Variants in SAMHD1 observed in about 807,000 individuals in gnomAD.
The protein encoded by SAMHD1 is SAM and HD domain containing deoxynucleoside triphosphate triphosphohydrolase 1, also known as deoxynucleoside triphosphate triphosphohydrolase SAMHD1.
Under a neutral mutation model 79.6 loss-of-function variants are expected in SAMHD1, and 54 were observed. The observed-to-expected ratio is 0.68, with a 90% CI of 0.55 to 0.85. The LOEUF (loss-of-function observed/expected upper bound fraction) is 0.85. Ranked by LOEUF, SAMHD1 falls within the 40% of genes least tolerant of loss-of-function variation. SAMHD1 has a pLI of 0.00. For synonymous variants in SAMHD1, 260 were observed against 264.1 expected, an observed-to-expected ratio of 0.98 and a Z score of 0.15; for missense variants, 663 against 782.7, an observed-to-expected ratio of 0.85 and a Z score of 1.82.
intron 3 of SAMHD1, among the ~76,000 whole-genome samples, chr20:36,938,281 C>A (rs2063617505): frequency 6.6e-6 from 1 of 152,202 alleles, no homozygotes; most frequent in African/African-American, 2.4e-5. Context: ...GTGGCTCATG[C>A]CTGTAATCCC....
intron 2 of SAMHD1, among the ~76,000 whole-genome samples, chr20:36,943,844 C>G (rs1043649847): frequency 1.3e-5 from 2 of 152,078 alleles, no homozygotes; most frequent in Non-Finnish European, 2.9e-5. Context: ...CTTTGGGAGG[C>G]TGAGGCAGGC....
chr20:36,916,856 TG>T, intron 8 of SAMHD1, 26 bp from the exon 9 acceptor site: 1 of 1,604,828 alleles, frequency 6.2e-7, no homozygotes, highest in Non-Finnish European at 8.5e-7. Context: ...AACAGAGAGA[TG>T]AAATTTTTCA....
Position 36,897,610 on chromosome 20 carries a change from A to G in SAMHD1, c.1746+212T>C, listed in dbSNP as rs375664348. ...TTTTTATTATTAGGACAATAATGCT[A>G]AACAGTATCCATTCCCAACTCCTGT... is the stretch of plus-strand genomic sequence containing the variant. On this transcript the variant is annotated intron_variant, in intron 15 of 15. Transcript: ENST00000646673. The G allele has an allele frequency of 5.1e-5, 31 of 613,540 alleles. No individual in the cohort carries two copies. The African/African-American group carries it at 5.3e-4, about 11-fold the overall frequency. 38.0% of individuals were successfully genotyped at this position (613,540 alleles called of 1,614,324 possible).
chr20:36,937,530 A>C (rs147444084), intron 3 of SAMHD1, among the ~76,000 whole-genome samples: 28 of 152,328 alleles, frequency 1.8e-4, no homozygotes, highest in Admixed American at 6.5e-4. Context: ...CTCAAATCAA[A>C]TTGTGTGTGA....
chr20:36,921,292 C>G (rs1474323206), intron 6 of SAMHD1, among the ~76,000 whole-genome samples: 1 of 144,636 alleles, frequency 6.9e-6, no homozygotes, highest in African/African-American at 2.6e-5. Context: ...ACTCAGGAGG[C>G]TGAAGCAGGA....
At chr20:36,904,304 C>T in intron 12 of SAMHD1, 55 bp from the exon 13 acceptor site, 1 of 1,213,028 alleles carries the variant, frequency 8.2e-7, no homozygotes, top group Non-Finnish European at 1.2e-6. Flanking sequence ...AGTCTTTGAG[C>T]CACAAACAGG....
intron 3 of SAMHD1, among the ~76,000 whole-genome samples, chr20:36,936,370 C>T (rs567733986): frequency 6.6e-6 from 1 of 152,128 alleles, no homozygotes; most frequent in Non-Finnish European, 1.5e-5. Context: ...AGTGCGTTGG[C>T]TATTCACAGG....
intron 6 of SAMHD1, among the ~76,000 whole-genome samples, chr20:36,919,914 A>G (rs930795155): frequency 6.6e-6 from 1 of 152,106 alleles, no homozygotes; most frequent in Admixed American, 6.6e-5. Context: ...CTAGTGGTGA[A>G]AAGGGGTAAC....
At chr20:36,915,829 C>G (rs756888333) in intron 9 of SAMHD1, among the ~76,000 whole-genome samples, 6 of 151,894 alleles carry the variant, frequency 4.0e-5, no homozygotes, top group Non-Finnish European at 8.8e-5. Context: ...CAGGTGTCAA[C>G]TGTATAAAAT....
chr20:36,925,211 A>G (rs1446315245), intron 6 of SAMHD1, among the ~76,000 whole-genome samples: 4 of 152,182 alleles, frequency 2.6e-5, no homozygotes, highest in African/African-American at 9.6e-5. Flanking sequence ...ACAAAAATAA[A>G]TTGTACACGA....
At chr20:36,914,966 C>T (rs931886779) in intron 9 of SAMHD1, among the ~76,000 whole-genome samples, 6 of 151,588 alleles carry the variant, frequency 4.0e-5, no homozygotes, top group South Asian at 2.1e-4. Flanking sequence ...GATCTGAGAT[C>T]GCACCACTAC....
chr20:36,912,885 C>CTTTCTTTTTTT (rs1374227156), intron 9 of SAMHD1, among the ~76,000 whole-genome samples: 2 of 8,150 alleles, frequency 2.5e-4, no homozygotes, highest in African/African-American at 8.4e-4. Flanking sequence ...AACTTTCATT[C>CTTTCTTTTTTT]TTTGTTTTTT....
chr20:36,933,098 T>A (rs548873292), intron 4 of SAMHD1, among the ~76,000 whole-genome samples: 4 of 152,284 alleles, frequency 2.6e-5, no homozygotes, highest in East Asian at 3.9e-4. Flanking sequence ...TAGGGCTTAG[T>A]AAGGTTCGAT....
At chr20:36,912,800 TGCTCAGGCTGGTC>T in intron 9 of SAMHD1, among the ~76,000 whole-genome samples, 2 of 143,942 alleles carry the variant, frequency 1.4e-5, no homozygotes, top group African/African-American at 2.6e-5. Flanking sequence ...CTTGCTATGT[TGCTCAGGCTGGTC>T]TTAAGTGATC....
intron 9 of SAMHD1, 58 bp from the exon 10 acceptor site, chr20:36,912,610 G>A: frequency 8.1e-7 from 1 of 1,235,068 alleles, no homozygotes; most frequent in Non-Finnish European, 1.2e-6. Flanking sequence ...CGTTATTAGA[G>A]ACAAGTATAT....
Position 36,919,496 on chromosome 20 carries a change from C to T in SAMHD1, c.720G>A (p.Met240Ile), listed in dbSNP as rs1205824136. 6.2e-7 allele frequency: 1 copy of T among 1,613,542 alleles called. No homozygotes were observed. The highest frequency in any genetic ancestry group is 1.1e-5 in the South Asian group (1 of 91,058). Residue 240 changes from methionine (M) to isoleucine (I), a missense_variant, in exon 7 of 16, where the codon ATG (methionine) becomes ATA (isoleucine). Physicochemically the swap from Met to Ile is conservative, Grantham distance 10. Transcript: ENST00000646673. Reference protein sequence around the residue: ...KWTHEQGSVMMFEHLINSNGI... With the variant: ...KWTHEQGSVMIFEHLINSNGI... ...CATTAGAATTAATAAGGTGCTCAAA[C>T]ATCATAACTGAGCCTTGTTCATGCT...
intron 6 of SAMHD1, among the ~76,000 whole-genome samples, chr20:36,921,437 T>C (rs1199539292): frequency 7.1e-6 from 1 of 140,770 alleles, no homozygotes; most frequent in Non-Finnish European, 1.5e-5. Flanking sequence ...ATATACGTAA[T>C]TACAAAGAGG....
At chr20:36,949,532 G>A (rs1341005831) in intron 1 of SAMHD1, among the ~76,000 whole-genome samples, 2 of 150,902 alleles carry the variant, frequency 1.3e-5, no homozygotes, top group South Asian at 2.1e-4. Flanking sequence ...TGAGGCAGGC[G>A]GATCACGAGT....
Position 36,898,501 on chromosome 20 carries a change from TC to T in SAMHD1, c.1546del (p.Asp516IlefsTer34). The T allele has an allele frequency of 6.2e-7, 1 of 1,614,066 alleles. No homozygotes were observed. Among genetic ancestry groups the T allele is most frequent in the Non-Finnish European group, 8.5e-7 (1 of 1,179,984 alleles). On this transcript the variant is annotated frameshift_variant, in exon 14 of 16. Coordinates refer to ENST00000646673, the MANE Select transcript of SAMHD1 (RefSeq NM_015474.4). LOFTEE classifies it high-confidence loss of function. ...DYGMQEKNPIDHVSFYCKTAP... is the reference protein window; with the variant it reads ...DYGMQEKNPIXHVSFYCKTAP... ...AGTCTTACAATAGAAGCTAACATGA[TC>T]AATTGGATTCTTTTCTTGCATTCCA... is the stretch of plus-strand genomic sequence containing the variant.
Sources: gnomAD v4.1 joint callset for allele counts (sites outside exome capture counted in the v4.1 genomes callset) on GRCh38, gnomAD v4.1.1 for gene constraint, MANE v1.5 for transcripts, NCBI Gene and HGNC (gene_info 2026-07-23, HGNC 2026-07-21) for gene names.